PTPRT: variants seen among roughly 807,000 people sequenced by gnomAD.
PTPRT encodes the protein protein tyrosine phosphatase receptor type T.
Under a neutral mutation model 176.8 loss-of-function variants are expected in PTPRT, and 56 were observed. The observed-to-expected ratio is 0.32, with a 90% confidence interval of 0.26 to 0.40. PTPRT has a LOEUF of 0.40. Among genes scored for constraint, PTPRT ranks in the 10% least tolerant of loss-of-function variants. The pLI is 1.00. For synonymous variants in PTPRT, 783 were observed against 739.0 expected, an observed-to-expected ratio of 1.06 and a Z score of -0.96; for missense variants, 1,540 against 1,908.2, an observed-to-expected ratio of 0.81 and a Z score of 3.60.
intron 1 of PTPRT, among the ~76,000 whole-genome samples, chr20:43,123,495 C>G (rs184279587): frequency 3.9e-5 from 6 of 152,256 alleles, no homozygotes; most frequent in African/African-American, 1.4e-4. Flanking sequence ...AGAGAGAACA[C>G]GCCCTTTTCT....
At chr20:42,469,356 A>C (rs1478335163) in intron 8 of PTPRT, among the ~76,000 whole-genome samples, 1 of 152,134 alleles carries the variant, frequency 6.6e-6, no homozygotes, top group Non-Finnish European at 1.5e-5. Context: ...GGCATGTGCC[A>C]CCATGCCCAG....
chr20:42,936,951 G>A (rs1271812990), intron 1 of PTPRT, among the ~76,000 whole-genome samples: 2 of 152,080 alleles, frequency 1.3e-5, no homozygotes, highest in Non-Finnish European at 2.9e-5. Context: ...TGAAAGCCTC[G>A]GCCCTGCATC....
chr20:42,142,751 G>A (rs1247108350), intron 17 of PTPRT, among the ~76,000 whole-genome samples: 2 of 152,178 alleles, frequency 1.3e-5, no homozygotes, highest in African/African-American at 4.8e-5. Context: ...TATACTACAA[G>A]TTATATAAAT....
chr20:42,377,438 A>G (rs2058662506), intron 9 of PTPRT, among the ~76,000 whole-genome samples: 1 of 152,218 alleles, frequency 6.6e-6, no homozygotes, highest in African/African-American at 2.4e-5. Flanking sequence ...TGCATAAACC[A>G]GTGTTTTGCA....
intron 1 of PTPRT, among the ~76,000 whole-genome samples, chr20:43,107,730 G>A (rs935127215): frequency 1.3e-5 from 2 of 152,166 alleles, no homozygotes; most frequent in Admixed American, 6.5e-5. Context: ...TCAGGAACTC[G>A]GTTCCTGAAC....
At chr20:42,276,823 G>A (rs1258909799) in intron 13 of PTPRT, among the ~76,000 whole-genome samples, 1 of 151,730 alleles carries the variant, frequency 6.6e-6, no homozygotes, top group Non-Finnish European at 1.5e-5. Context: ...CACCACCTGT[G>A]GCTGTGATTC....
At chr20:42,611,808 C>T (rs901726484) in intron 7 of PTPRT, among the ~76,000 whole-genome samples, 10 of 152,170 alleles carry the variant, frequency 6.6e-5, no homozygotes, top group African/African-American at 2.2e-4. Context: ...TCTTCCCCAA[C>T]CCCTCCATCA....
chr20:42,310,089 C>T (rs1374760932), intron 12 of PTPRT, among the ~76,000 whole-genome samples: 1 of 151,972 alleles, frequency 6.6e-6, no homozygotes, highest in Non-Finnish European at 1.5e-5. Context: ...TAAAATGCAC[C>T]CTGAATTAAG....
intron 2 of PTPRT, among the ~76,000 whole-genome samples, chr20:42,803,066 G>T (rs1216241508): frequency 6.6e-6 from 1 of 152,196 alleles, no homozygotes; most frequent in Non-Finnish European, 1.5e-5. Context: ...CTACAACAGT[G>T]AGATAACTGA....
intron 16 of PTPRT, among the ~76,000 whole-genome samples, chr20:42,173,524 T>C (rs1039087705): frequency 2.0e-5 from 3 of 152,060 alleles, no homozygotes; most frequent in Non-Finnish European, 4.4e-5. Flanking sequence ...TCAAAATCAG[T>C]GAGGAAAGAG....
chr20:42,227,610 T>G (rs963688980), intron 15 of PTPRT, among the ~76,000 whole-genome samples: 53 of 141,256 alleles, frequency 3.8e-4, no homozygotes, highest in Middle Eastern at 3.4e-3. Flanking sequence ...GTTTTTTTTT[T>G]TTTTTTTTTT....
rs1274738613 is a variant in PTPRT, at chr20:42,500,747, A to C, written c.1154-28185T>G. The stretch of plus-strand genomic sequence containing the variant: ...AAGATGTCCCTCATCAGAATAAGAA[A>C]GTTCTTTTCTATTCCTAGATTTATA... On this transcript the variant is annotated intron_variant, in intron 7 of 30. Transcript: ENST00000373187. 2.0e-5 allele frequency among the ~76,000 whole-genome samples: 3 copies of C among 152,108 alleles called. No homozygotes were observed. The East Asian group carries it at 5.8e-4, about 29-fold the overall frequency.
intron 7 of PTPRT, among the ~76,000 whole-genome samples, chr20:42,512,046 CA>C (rs1248442145): frequency 6.6e-6 from 1 of 152,110 alleles, no homozygotes; most frequent in Non-Finnish European, 1.5e-5. Flanking sequence ...TCCCTGGAGG[CA>C]ACTACTCATA....
intron 7 of PTPRT, among the ~76,000 whole-genome samples, chr20:42,619,071 G>A (rs1029208853): frequency 6.6e-6 from 1 of 151,104 alleles, no homozygotes; most frequent in African/African-American, 2.4e-5. Flanking sequence ...TTTTGCAGCG[G>A]CTGGTACCGG....
the PTPRT span, among the ~76,000 whole-genome samples, chr20:42,049,416 T>C: frequency 6.6e-6 from 1 of 152,206 alleles, no homozygotes; most frequent in African/African-American, 2.4e-5. Flanking sequence ...CTGTTTCTAA[T>C]TAAAATCATA....
At chr20:43,133,763 AAAT>A (rs2013726190) in intron 1 of PTPRT, among the ~76,000 whole-genome samples, 1 of 151,908 alleles carries the variant, frequency 6.6e-6, no homozygotes, top group African/African-American at 2.4e-5. Flanking sequence ...AAAAAAAAAA[AAAT>A]AGTATTGGAG....
intron 1 of PTPRT, among the ~76,000 whole-genome samples, chr20:42,898,704 G>A (rs1197689056): frequency 2.0e-5 from 3 of 152,092 alleles, no homozygotes; most frequent in African/African-American, 4.8e-5. Flanking sequence ...AACATCATGG[G>A]GTATGGCAAG....
At chr20:42,232,585 C>T (rs1482898087) in intron 15 of PTPRT, among the ~76,000 whole-genome samples, 1 of 151,974 alleles carries the variant, frequency 6.6e-6, no homozygotes, top group East Asian at 1.9e-4. Flanking sequence ...TTCCTCATCT[C>T]CATGGCTCTC....
chr20:42,635,839 T>C (rs1332806955), intron 7 of PTPRT, among the ~76,000 whole-genome samples: 2 of 152,178 alleles, frequency 1.3e-5, no homozygotes, highest in African/African-American at 4.8e-5. Flanking sequence ...TGCTGAATAG[T>C]ATCTGTAAAC....
Sources: allele counts gnomAD v4.1 joint callset (sites outside exome capture counted in the v4.1 genomes callset), GRCh38; gene constraint gnomAD v4.1.1; transcripts MANE v1.5; gene names NCBI Gene and HGNC (gene_info 2026-07-23, HGNC 2026-07-21).